Variants in PRKACB observed in about 807,000 individuals in gnomAD.
PRKACB encodes the protein cAMP-dependent protein kinase catalytic subunit beta.
In PRKACB, 16 loss-of-function variants were observed where a neutral mutation model predicts 51.4. The ratio of observed to expected loss-of-function variants is 0.31; its 90% confidence interval spans 0.21 to 0.47. The LOEUF (loss-of-function observed/expected upper bound fraction) is 0.47. PRKACB is among the 20% of genes least tolerant of loss of function. The probability of loss-of-function intolerance (pLI) is 1.00; values close to 1 mark genes in which losing one functional copy is unlikely to be tolerated. For missense variants in PRKACB, 309 were observed against 464.5 expected, an observed-to-expected ratio of 0.67 and a Z score of 3.08; for synonymous variants, 147 against 154.4, an observed-to-expected ratio of 0.95 and a Z score of 0.35.
intron 1 of PRKACB, among the ~76,000 whole-genome samples, chr1:84,176,292 A>T (rs1661233639): frequency 6.6e-6 from 1 of 151,884 alleles, no homozygotes; most frequent in Non-Finnish European, 1.5e-5. Context: ...TTTATTAATT[A>T]TCTGCCAACA....
intron 1 of PRKACB, among the ~76,000 whole-genome samples, chr1:84,108,354 A>G (rs1375361848): frequency 6.6e-6 from 1 of 151,948 alleles, no homozygotes; most frequent in African/African-American, 2.4e-5. Flanking sequence ...GGACAGGTTC[A>G]GAAGAAAAAG....
chr1:84,231,512 G>A (rs192377129), intron 9 of PRKACB, among the ~76,000 whole-genome samples: 3 of 152,288 alleles, frequency 2.0e-5, no homozygotes, highest in Admixed American at 2.0e-4. Context: ...ATTCATCCTT[G>A]TACCTCTGGT....
chr1:84,195,912 CAAAA>C (rs34855463), intron 5 of PRKACB, among the ~76,000 whole-genome samples: 2 of 135,078 alleles, frequency 1.5e-5, no homozygotes, highest in African/African-American at 5.4e-5. Flanking sequence ...GACTGTGTCT[CAAAA>C]AAAAAAAAAA....
chr1:84,202,586 T>A (rs1282445943), intron 7 of PRKACB, 97 bp from the exon 8 acceptor site: 39 of 1,333,722 alleles, frequency 2.9e-5, no homozygotes, highest in Admixed American at 1.0e-4. Flanking sequence ...TTTAAAAAAA[T>A]TTTTATATGC....
At chr1:84,096,730 T>C (rs1417882238) in intron 1 of PRKACB, among the ~76,000 whole-genome samples, 1 of 152,124 alleles carries the variant, frequency 6.6e-6, no homozygotes, top group Non-Finnish European at 1.5e-5. Flanking sequence ...AATCCCTTGA[T>C]AGTATTTTTT....
At chr1:84,112,452 G>T (rs945994909) in intron 1 of PRKACB, among the ~76,000 whole-genome samples, 1 of 151,878 alleles carries the variant, frequency 6.6e-6, no homozygotes, top group Non-Finnish European at 1.5e-5. Context: ...GGCCAGGCTG[G>T]TCTCGAACTC....
chr1:84,149,189 G>T (rs978799992), intron 1 of PRKACB, among the ~76,000 whole-genome samples: 5 of 152,014 alleles, frequency 3.3e-5, no homozygotes, highest in East Asian at 3.9e-4. Flanking sequence ...ACATAATTCT[G>T]CCAAAAGGTA....
intron 1 of PRKACB, among the ~76,000 whole-genome samples, chr1:84,172,642 A>G (rs2100838605): frequency 6.6e-6 from 1 of 151,866 alleles, no homozygotes; most frequent in East Asian, 1.9e-4. Context: ...ATTTAAATAT[A>G]TGTCTCATTA....
chr1:84,211,715 G>A (rs1572468424), intron 8 of PRKACB, among the ~76,000 whole-genome samples: 1 of 152,044 alleles, frequency 6.6e-6, no homozygotes, highest in African/African-American at 2.4e-5. Flanking sequence ...TGTAATCTTA[G>A]GCAAAATAAT....
At position 84,206,588 on chromosome 1, in the gene PRKACB, G is replaced by A. The variant is rs562868364; in HGVS notation, c.906+3783G>A. Among the ~76,000 whole-genome samples the A allele has an allele frequency of 5.9e-4, 90 of 152,308 alleles. 1 individual carries two copies. In the South Asian group the frequency reaches 0.018, roughly 30 times the overall value. ...CCTTCAGCAACAAGCTGTGACAAGC[G>A]TGAAATTTTATCTACCAGCAACACT... On this transcript the variant is annotated intron_variant, in intron 8 of 9. Coordinates refer to ENST00000370685, the MANE Select transcript of PRKACB (RefSeq NM_182948.4).
rs1194624381 is a variant in PRKACB at position 84,211,331 on chromosome 1, A to G, written c.907-2822A>G. ...TGAAAGAGATAACTGGTACATTACC[A>G]TGGAACAGTTCACACAAATTTAATC... On this transcript the variant is annotated intron_variant, in intron 8 of 9. Transcript: ENST00000370685. 3.3e-5 allele frequency among the ~76,000 whole-genome samples: 5 copies of G among 152,220 alleles called. No homozygotes were observed. In the East Asian group the frequency reaches 5.8e-4, roughly 18 times the overall value.
intron 1 of PRKACB, among the ~76,000 whole-genome samples, chr1:84,137,513 A>T (rs1652947667): frequency 6.6e-6 from 1 of 152,214 alleles, no homozygotes; most frequent in Non-Finnish European, 1.5e-5. Flanking sequence ...ACTTTAAAAA[A>T]ACTCATTTAG....
chr1:84,197,887 T>C (rs1668651967), intron 7 of PRKACB, 63 bp downstream of exon 7: 1 of 1,148,898 alleles, frequency 8.7e-7, no homozygotes, highest in East Asian at 2.5e-5. Flanking sequence ...TATGGACTTT[T>C]GTAAAAACAG....
intron 3 of PRKACB, among the ~76,000 whole-genome samples, chr1:84,182,815 C>T (rs1298865084): frequency 1.3e-5 from 2 of 151,910 alleles, no homozygotes; most frequent in African/African-American, 4.8e-5. Flanking sequence ...CTGGAACCAA[C>T]CCCCAGGGAT....
intron 1 of PRKACB, among the ~76,000 whole-genome samples, chr1:84,114,043 C>A (rs1488575582): frequency 6.6e-6 from 1 of 152,076 alleles, no homozygotes; most frequent in Non-Finnish European, 1.5e-5. Context: ...ATAAACATTA[C>A]TGTAACCTGG....
At chr1:84,178,519 A>C (rs1662113126) in intron 1 of PRKACB, among the ~76,000 whole-genome samples, 1 of 152,004 alleles carries the variant, frequency 6.6e-6, no homozygotes, top group Admixed American at 6.6e-5. Context: ...GAATTGCTTT[A>C]CTTTAGTGCA....
At chr1:84,127,029 T>C (rs1030560808) in intron 1 of PRKACB, among the ~76,000 whole-genome samples, 2 of 152,166 alleles carry the variant, frequency 1.3e-5, no homozygotes, top group African/African-American at 4.8e-5. Flanking sequence ...GTCATACTCT[T>C]TTTGCCTTAT....
intron 1 of PRKACB, among the ~76,000 whole-genome samples, chr1:84,129,591 T>C (rs1449833229): frequency 6.6e-6 from 1 of 152,208 alleles, no homozygotes; most frequent in Non-Finnish European, 1.5e-5. Flanking sequence ...TTTTATCTTT[T>C]ACATTTTTTA....
intron 1 of PRKACB, among the ~76,000 whole-genome samples, chr1:84,108,428 CCT>C (rs945239234): frequency 3.3e-5 from 5 of 151,784 alleles, no homozygotes; most frequent in African/African-American, 1.2e-4. Context: ...ATGCCAAACC[CCT>C]GAGTCACAAG....
Sources: gnomAD v4.1 joint callset for allele counts (sites outside exome capture counted in the v4.1 genomes callset) on GRCh38, gnomAD v4.1.1 for gene constraint, MANE v1.5 for transcripts, NCBI Gene and HGNC (gene_info 2026-07-23, HGNC 2026-07-21) for gene names.